Variants in PPARGC1A observed in about 807,000 individuals in gnomAD.
PPARGC1A encodes peroxisome proliferator-activated receptor gamma coactivator 1-alpha.
PPARGC1A carries 25 observed loss-of-function variants against 88.7 expected under a neutral mutation model. The observed-to-expected ratio is 0.28, with a 90% CI of 0.21 to 0.39. The LOEUF is 0.39. Among genes scored for constraint, PPARGC1A ranks in the 10% least tolerant of loss-of-function variants. The pLI, the probability that PPARGC1A is intolerant of heterozygous loss-of-function variation, is 1.00. For missense variants in PPARGC1A, 880 were observed against 968.7 expected (o/e 0.91, Z 1.22); for synonymous variants, 363 against 355.6 (o/e 1.02, Z -0.24).
At chr4:23,972,219 G>A in the PPARGC1A span, among the ~76,000 whole-genome samples, 1 of 152,286 alleles carries the variant, frequency 6.6e-6, no homozygotes, top group African/African-American at 2.4e-5. Context: ...ACACAATCAG[G>A]TTTAAAGAGA....
the PPARGC1A span, among the ~76,000 whole-genome samples, chr4:24,059,870 T>A: frequency 3.9e-5 from 6 of 152,164 alleles, no homozygotes; most frequent in Non-Finnish European, 5.9e-5. Context: ...CCTAAAATTA[T>A]CATTTCCTTC....
chr4:24,469,786 C>CTT, the PPARGC1A span, among the ~76,000 whole-genome samples: 187 of 152,254 alleles, frequency 1.2e-3, no homozygotes, highest in African/African-American at 4.4e-3. Flanking sequence ...TAGTTTTCCT[C>CTT]TTTTTAAAAC....
intron 2 of PPARGC1A, among the ~76,000 whole-genome samples, chr4:23,853,547 C>A (rs183597913): frequency 1.3e-5 from 2 of 152,212 alleles, no homozygotes; most frequent in Admixed American, 1.3e-4. Flanking sequence ...ACCTGATAAG[C>A]ACTTAGGCAC....
intron 2 of PPARGC1A, among the ~76,000 whole-genome samples, chr4:23,867,917 A>G (rs1455072239): frequency 6.6e-6 from 1 of 152,232 alleles, no homozygotes; most frequent in Non-Finnish European, 1.5e-5. Flanking sequence ...AGTTGCAAAA[A>G]TTTTAAGTCT....
chr4:24,103,726 C>G, the PPARGC1A span, among the ~76,000 whole-genome samples: 35 of 152,164 alleles, frequency 2.3e-4, no homozygotes, highest in Admixed American at 5.9e-4. Context: ...GAAGCCTACT[C>G]TAGTAACACA....
the PPARGC1A span, among the ~76,000 whole-genome samples, chr4:24,457,780 G>A: frequency 6.6e-6 from 1 of 151,982 alleles, no homozygotes; most frequent in Non-Finnish European, 1.5e-5. Flanking sequence ...AGCCAGGATG[G>A]TCTCGATCTC....
At chr4:23,921,219 A>T in the PPARGC1A span, among the ~76,000 whole-genome samples, 1 of 152,194 alleles carries the variant, frequency 6.6e-6, no homozygotes, top group Non-Finnish European at 1.5e-5. Context: ...AAGACTTTGT[A>T]CCCTGGGAAA....
the PPARGC1A span, among the ~76,000 whole-genome samples, chr4:24,228,672 A>C: frequency 2.0e-5 from 3 of 152,218 alleles, no homozygotes; most frequent in East Asian, 5.8e-4. Flanking sequence ...AAAGAAAAAA[A>C]ACCCAGGTAG....
Position 23,855,596 on chromosome 4 carries a change from A to G in PPARGC1A, c.235-23845T>C, listed in dbSNP as rs576477905. 1.6e-4 allele frequency among the ~76,000 whole-genome samples: 24 copies of G among 152,330 alleles called. 1 individual carries two copies. Among genetic ancestry groups the G allele is most frequent in the Admixed American group, 1.5e-3 (23 of 15,304 alleles). Reference sequence around the variant, plus strand: ...TCCATATTCTGCATGCATTTAATATATGCTTAATAAGCACCGACTATATTT... The same window carrying G: ...TCCATATTCTGCATGCATTTAATATGTGCTTAATAAGCACCGACTATATTT... On this transcript the variant is annotated intron_variant, in intron 2 of 12. Coordinates refer to ENST00000264867, the MANE Select transcript of PPARGC1A (RefSeq NM_013261.5).
the PPARGC1A span, among the ~76,000 whole-genome samples, chr4:23,988,557 T>C: frequency 1.8e-4 from 27 of 152,170 alleles, no homozygotes; most frequent in African/African-American, 6.5e-4. Context: ...AAACAAACCT[T>C]TGAAAAATAC....
chr4:24,454,346 T>C, the PPARGC1A span, among the ~76,000 whole-genome samples: 2 of 151,964 alleles, frequency 1.3e-5, no homozygotes, highest in African/African-American at 4.8e-5. Context: ...TTTGGGGTAG[T>C]TTTTGGTACA....
chr4:24,043,461 G>T, the PPARGC1A span, among the ~76,000 whole-genome samples: 1 of 152,038 alleles, frequency 6.6e-6, no homozygotes, highest in African/African-American at 2.4e-5. Flanking sequence ...GTGTTACTGT[G>T]GGTTCCAGGT....
chr4:24,384,249 G>A, the PPARGC1A span, among the ~76,000 whole-genome samples: 1 of 151,962 alleles, frequency 6.6e-6, no homozygotes, highest in African/African-American at 2.4e-5. Context: ...AATATGGAGA[G>A]GAAAAACCGA....
chr4:24,084,876 CAG>C, the PPARGC1A span, among the ~76,000 whole-genome samples: 1 of 152,102 alleles, frequency 6.6e-6, no homozygotes, highest in Admixed American at 6.6e-5. Context: ...AGAAGAAAAA[CAG>C]AACTTATTTC....
chr4:23,933,344 G>C, the PPARGC1A span, among the ~76,000 whole-genome samples: 1 of 152,220 alleles, frequency 6.6e-6, no homozygotes, highest in Non-Finnish European at 1.5e-5. Flanking sequence ...ATGAGATAAA[G>C]TAAGCAAATA....
chr4:24,226,104 T>G, the PPARGC1A span, among the ~76,000 whole-genome samples: 1 of 152,154 alleles, frequency 6.6e-6, no homozygotes, highest in Non-Finnish European at 1.5e-5. Flanking sequence ...CCTTTTGCCA[T>G]TCTGCTAAAC....
At chr4:24,453,309 GCA>G in the PPARGC1A span, among the ~76,000 whole-genome samples, 1 of 152,202 alleles carries the variant, frequency 6.6e-6, no homozygotes, top group African/African-American at 2.4e-5. Context: ...AGCAGCTCTT[GCA>G]AACTAATACA....
At chr4:24,119,285 G>A in the PPARGC1A span, among the ~76,000 whole-genome samples, 1 of 152,196 alleles carries the variant, frequency 6.6e-6, no homozygotes, top group Admixed American at 6.5e-5. Flanking sequence ...GCCCAGAGCA[G>A]GATCCCTTTG....
chr4:24,006,358 T>G, the PPARGC1A span, among the ~76,000 whole-genome samples: 1 of 152,190 alleles, frequency 6.6e-6, no homozygotes, highest in African/African-American at 2.4e-5. Flanking sequence ...CAGTTTTCTT[T>G]CCATGGGGAG....
Sources: gnomAD v4.1 joint callset for allele counts (sites outside exome capture counted in the v4.1 genomes callset) on GRCh38, gnomAD v4.1.1 for gene constraint, MANE v1.5 for transcripts, NCBI Gene and HGNC (gene_info 2026-07-23, HGNC 2026-07-21) for gene names.